GRIN2A: variants seen among roughly 807,000 people sequenced by gnomAD.
GRIN2A encodes the protein glutamate receptor ionotropic, NMDA 2A.
GRIN2A carries 22 observed loss-of-function variants against 113.4 expected under a neutral mutation model. That is an observed-to-expected ratio of 0.19 (90% CI 0.14 to 0.28). The LOEUF (loss-of-function observed/expected upper bound fraction) is 0.28, where lower values mean the gene tolerates loss of function less well. GRIN2A is among the 10% of genes least tolerant of loss of function. The pLI, the probability that GRIN2A is intolerant of heterozygous loss-of-function variation, is 1.00. For synonymous variants in GRIN2A, 827 were observed against 738.4 expected (o/e 1.12, Z -1.94); for missense variants, 1,502 against 1,887.0 (o/e 0.80, Z 3.78).
chr16:9,911,010 T>C (rs2044124504), intron 3 of GRIN2A, among the ~76,000 whole-genome samples: 1 of 152,062 alleles, frequency 6.6e-6, no homozygotes, highest in Non-Finnish European at 1.5e-5. Flanking sequence ...AGGTCTTCTT[T>C]ACTTTAACTA....
At chr16:9,835,708 C>G (rs1161127459) in intron 7 of GRIN2A, among the ~76,000 whole-genome samples, 1 of 152,112 alleles carries the variant, frequency 6.6e-6, no homozygotes, top group Admixed American at 6.5e-5. Flanking sequence ...AGTGAAGCTA[C>G]TTATAATAAT....
chr16:9,793,465 C>G (rs983354013), intron 11 of GRIN2A, among the ~76,000 whole-genome samples: 1 of 151,974 alleles, frequency 6.6e-6, no homozygotes, highest in African/African-American at 2.4e-5. Flanking sequence ...ACTTCAAAGC[C>G]AGAAATGCCA....
intron 2 of GRIN2A, among the ~76,000 whole-genome samples, chr16:10,073,935 C>CG: frequency 8.3e-6 from 1 of 121,132 alleles, no homozygotes; most frequent in South Asian, 2.7e-4. Flanking sequence ...AAAAAAAAAA[C>CG]GAAGTGAAAA....
In GRIN2A at chr16:9,755,724, A is replaced by T. The variant is rs184642158; in HGVS notation, c.*7425T>A. 1.7e-3 allele frequency: 357 copies of T among 210,080 alleles called. 2 individuals carry two copies. The highest frequency in any genetic ancestry group is 1.5e-3 in the Non-Finnish European group (150 of 102,998). 13.0% of individuals were successfully genotyped at this position (210,080 alleles called of 1,614,324 possible). A position where few individuals can be genotyped will look rare whatever the true frequency, so the allele number is the denominator to read the frequency against. On this transcript the variant is annotated 3_prime_UTR_variant, in exon 13 of 13. Coordinates refer to ENST00000330684, the MANE Select transcript of GRIN2A (RefSeq NM_001134407.3). ...GGCATGCCTGCAGGATATGTTAAAC[A>T]TTAGGCCATTCTGGGTACCTATAAA...
chr16:10,123,944 T>C (rs2048879492), intron 2 of GRIN2A, among the ~76,000 whole-genome samples: 1 of 152,184 alleles, frequency 6.6e-6, no homozygotes, highest in South Asian at 2.1e-4. Context: ...GCACAGTGTA[T>C]GGCACATGAG....
At chr16:10,032,080 G>A (rs893472289) in intron 2 of GRIN2A, among the ~76,000 whole-genome samples, 1 of 152,162 alleles carries the variant, frequency 6.6e-6, no homozygotes, top group Non-Finnish European at 1.5e-5. Flanking sequence ...ATACTTTTTT[G>A]AAATATGTCC....
intron 4 of GRIN2A, among the ~76,000 whole-genome samples, chr16:9,864,487 C>T (rs1348718988): frequency 6.6e-6 from 1 of 151,992 alleles, no homozygotes; most frequent in Non-Finnish European, 1.5e-5. Context: ...GAGTGTGTAA[C>T]AGTTTATAAA....
chr16:9,892,657 T>C (rs2141486932), intron 3 of GRIN2A, among the ~76,000 whole-genome samples: 1 of 152,246 alleles, frequency 6.6e-6, no homozygotes, highest in East Asian at 1.9e-4. Flanking sequence ...TCATCACTCC[T>C]CAAAGCCACC....
In GRIN2A at chr16:9,754,437, T is replaced by A. The variant is rs1165310321; in HGVS notation, c.*8712A>T. The A allele has an allele frequency of 4.8e-6, 1 of 210,328 alleles. No individual in the cohort carries two copies. The highest frequency in any genetic ancestry group is 2.3e-5 in the African/African-American group (1 of 44,114). 13.0% of individuals were successfully genotyped at this position (210,328 alleles called of 1,614,324 possible). A position where few individuals can be genotyped will look rare whatever the true frequency, so the allele number is the denominator to read the frequency against. On this transcript the variant is annotated 3_prime_UTR_variant, in exon 13 of 13. Coordinates refer to ENST00000330684, the MANE Select transcript of GRIN2A (RefSeq NM_001134407.3). Reference sequence around the variant, plus strand: ...TGAACTTATATCTTAAGTAGGCAATTAGCATCCCTTCCCAGTGAAAAATTT... The same window carrying A: ...TGAACTTATATCTTAAGTAGGCAATAAGCATCCCTTCCCAGTGAAAAATTT...
chr16:10,076,032 A>G (rs1043034961), intron 2 of GRIN2A, among the ~76,000 whole-genome samples: 81 of 152,274 alleles, frequency 5.3e-4, no homozygotes, highest in Non-Finnish European at 4.0e-4. Context: ...CCCATCTGCA[A>G]GAGTGAAAAA....
At chr16:10,109,281 C>T (rs539786651) in intron 2 of GRIN2A, among the ~76,000 whole-genome samples, 27 of 151,862 alleles carry the variant, frequency 1.8e-4, no homozygotes, top group Non-Finnish European at 3.7e-4. Flanking sequence ...TAGTTTAAAA[C>T]CCTCCCACAA....
At chr16:10,076,533 C>T (rs575210543) in intron 2 of GRIN2A, among the ~76,000 whole-genome samples, 13 of 152,254 alleles carry the variant, frequency 8.5e-5, no homozygotes, top group African/African-American at 2.4e-4. Context: ...CTGTATGATG[C>T]TCCTCATCTA....
At chr16:9,969,520 A>C (rs919825071) in intron 2 of GRIN2A, among the ~76,000 whole-genome samples, 1 of 152,146 alleles carries the variant, frequency 6.6e-6, no homozygotes, top group Admixed American at 6.5e-5. Context: ...GGGCTTTGAT[A>C]TTTAAAGAAC....
intron 2 of GRIN2A, among the ~76,000 whole-genome samples, chr16:9,978,416 A>C (rs1315742120): frequency 1.3e-5 from 2 of 152,150 alleles, no homozygotes; most frequent in Admixed American, 1.3e-4. Flanking sequence ...GTGATGATTA[A>C]CATGAGTATG....
At chr16:10,062,723 C>T (rs185900270) in intron 2 of GRIN2A, among the ~76,000 whole-genome samples, 13 of 152,044 alleles carry the variant, frequency 8.6e-5, no homozygotes, top group Admixed American at 7.2e-4. Context: ...AAATTAGTTG[C>T]GTGTGATGGC....
At chr16:10,006,078 G>A (rs1430133675) in intron 2 of GRIN2A, among the ~76,000 whole-genome samples, 1 of 152,148 alleles carries the variant, frequency 6.6e-6, no homozygotes, top group Non-Finnish European at 1.5e-5. Context: ...CTTCATATAA[G>A]AGAAAATAAG....
intron 4 of GRIN2A, among the ~76,000 whole-genome samples, chr16:9,881,370 C>A (rs2043477226): frequency 6.6e-6 from 1 of 152,166 alleles, no homozygotes; most frequent in Non-Finnish European, 1.5e-5. Flanking sequence ...AACAGGATGA[C>A]CTAAATAAAA....
At chr16:10,130,460 C>G (rs549032658) in intron 2 of GRIN2A, among the ~76,000 whole-genome samples, 2 of 152,276 alleles carry the variant, frequency 1.3e-5, no homozygotes, top group African/African-American at 4.8e-5. Flanking sequence ...CCGAACATCC[C>G]CTGAGTAGGC....
chr16:10,093,247 T>C (rs887815389), intron 2 of GRIN2A, among the ~76,000 whole-genome samples: 2 of 152,206 alleles, frequency 1.3e-5, no homozygotes, highest in African/African-American at 4.8e-5. Flanking sequence ...GTAGGTACCA[T>C]TGCTCTTGCA....
Sources: gnomAD v4.1 joint callset for allele counts (sites outside exome capture counted in the v4.1 genomes callset) on GRCh38, gnomAD v4.1.1 for gene constraint, MANE v1.5 for transcripts, NCBI Gene and HGNC (gene_info 2026-07-23, HGNC 2026-07-21) for gene names.